The following C1S variants were observed in gnomAD, a reference collection of about 807,000 sequenced individuals.
The protein encoded by C1S is complement C1s subcomponent.
C1S carries 31 observed loss-of-function variants against 54.0 expected under a neutral mutation model. That is an observed-to-expected ratio of 0.57 (90% CI 0.43 to 0.78). The LOEUF (loss-of-function observed/expected upper bound fraction) is 0.78, where lower values mean the gene tolerates loss of function less well. Among genes scored for constraint, C1S ranks in the 30% least tolerant of loss-of-function variants. C1S has a pLI of 0.00. For missense variants in C1S, 727 were observed against 851.8 expected (o/e 0.85, Z 1.82); for synonymous variants, 292 against 303.6 (o/e 0.96, Z 0.40).
chr12:7,066,639 G>T lies in C1S; in HGVS notation c.987+6G>T. Reference sequence around the variant, plus strand: ...ATGGGTTTGAAGTTGTGGAGGTAAAGTACCACCTTGGCTTCTCCCCAGTCC... The same window carrying T: ...ATGGGTTTGAAGTTGTGGAGGTAAATTACCACCTTGGCTTCTCCCCAGTCC... On this transcript the variant is annotated splice_donor_region_variant and intron_variant, in intron 8 of 11. Transcript: ENST00000360817. 3 of 1,532,946 alleles carry T rather than the reference G, an allele frequency of 2.0e-6. No homozygotes were observed. Among genetic ancestry groups the T allele is most frequent in the Non-Finnish European group, 2.7e-6 (3 of 1,105,722 alleles). 95.0% of individuals were successfully genotyped at this position (1,532,946 alleles called of 1,614,324 possible).
At chr12:7,062,230 C>A in intron 2 of C1S, 1 of 567,772 alleles carries the variant, frequency 1.8e-6, no homozygotes, top group Non-Finnish European at 3.1e-6. Flanking sequence ...GAGATCGCAC[C>A]ACTGCACTCC....
intron 2 of C1S, 185 bp from the exon 3 acceptor site, chr12:7,062,290 C>A: frequency 1.9e-6 from 1 of 539,796 alleles, no homozygotes; most frequent in South Asian, 2.0e-5. Flanking sequence ...AAAAAAAGGG[C>A]TCTTGTCTGA....
At chr12:7,067,931 G>T in intron 10 of C1S, 160 bp downstream of exon 10, 1 of 791,512 alleles carries the variant, frequency 1.3e-6, no homozygotes, top group Admixed American at 2.0e-5. Flanking sequence ...TTTTCATCTG[G>T]AGCAGGGCAA....
At position 7,070,047 on chromosome 12, in the gene C1S, G is replaced by A. The variant is rs781821833; in HGVS notation, c.1463G>A (p.Gly488Glu). The A allele has an allele frequency of 1.9e-6, 3 of 1,613,982 alleles. No homozygotes were observed. The African/African-American group carries it at 4.0e-5, about 22-fold the overall frequency. ...AACAGGGAGCCAACAATGTATGTTG[G>A]GTCCACCTCAGTGCAGACCTCACGG... Reference protein sequence around the residue: ...EGNREPTMYVGSTSVQTSRLA... With the variant: ...EGNREPTMYVESTSVQTSRLA... The change falls in exon 12 of 12, where the codon GGG (glycine) becomes GAG (glutamate). Residue 488 changes from glycine (G) to glutamate (E), a missense_variant. This residue lies in a region of C1S where 360 missense variants were observed against 453.6 expected (regional missense o/e 0.79). Coordinates refer to ENST00000360817, the MANE Select transcript of C1S (RefSeq NM_001734.5). This position sits in a 1 kb window ranked among gnomAD's most constrained non-coding sequence, Gnocchi z 4.9.
Position 7,068,892 on chromosome 12 carries a change from GTTTAT to G in C1S, c.1270+363_1270+367del, listed in dbSNP as rs782664214. The G allele has an allele frequency of 1.0e-3, 289 of 279,290 alleles. 1 individual carries two copies. Among genetic ancestry groups the G allele is most frequent in the African/African-American group, 5.6e-3 (262 of 46,896 alleles). 17.3% of individuals were successfully genotyped at this position (279,290 alleles called of 1,614,324 possible). On this transcript the variant is annotated intron_variant, in intron 11 of 11. Transcript: ENST00000360817. Reference sequence around the variant, plus strand: ...AAATAGCCTAGTTATTATATTAAAAGTTTATAGGGCAGCAAGATATAGAGGAATTC... The same window carrying G: ...AAATAGCCTAGTTATTATATTAAAAGAGGGCAGCAAGATATAGAGGAATTC...
chr12:7,064,470 C>T, intron 5 of C1S, 78 bp downstream of exon 5: 2 of 1,521,994 alleles, frequency 1.3e-6, no homozygotes, highest in Non-Finnish European at 1.8e-6. Flanking sequence ...TTTGTCCACC[C>T]TTCCAACTTC....
chr12:7,063,212 C>T (rs184130450), intron 4 of C1S, 145 bp downstream of exon 4: 1 of 735,116 alleles, frequency 1.4e-6, no homozygotes, highest in East Asian at 2.6e-5. Context: ...CCATAAATCA[C>T]TTTTGTGAAA....
At chr12:7,066,478 A>G (rs1937663220) in intron 7 of C1S, 40 bp from the exon 8 acceptor site, 4 of 1,104,868 alleles carry the variant, frequency 3.6e-6, no homozygotes, top group Non-Finnish European at 5.6e-6. Flanking sequence ...TCAACTATTT[A>G]GTAATTTTTT....
In C1S at chr12:7,067,007, A is replaced by G. The variant is rs782223222; in HGVS notation, c.988-32A>G. ...ATTTTGGTTTCCCATATCTCTCTTC[A>G]GAAATAAGTGGTGATGTTTATTATT... On this transcript the variant is annotated intron_variant, in intron 8 of 11. Coordinates refer to ENST00000360817, the MANE Select transcript of C1S (RefSeq NM_001734.5). 2.6e-6 allele frequency: 4 copies of G among 1,526,392 alleles called. No individual in the cohort carries two copies. In the East Asian group the frequency reaches 9.0e-5, roughly 34 times the overall value. The allele number at this position is 1,526,392 out of a possible 1,614,324, so 94.6% of individuals were successfully genotyped here. A position where few individuals can be genotyped will look rare whatever the true frequency, so the allele number is the denominator to read the frequency against.
In C1S at chr12:7,061,890, C is replaced by T; in HGVS notation, c.-23C>T. On this transcript the variant is annotated 5_prime_UTR_variant, in exon 2 of 12. Coordinates refer to ENST00000360817, the MANE Select transcript of C1S (RefSeq NM_001734.5). ...CCAGGACCAAGAGACAGGCAGCTCACCAGGGTGGACAAATCGCCAGAGATG... is the reference window on the plus strand; with the variant it reads ...CCAGGACCAAGAGACAGGCAGCTCATCAGGGTGGACAAATCGCCAGAGATG... The T allele has an allele frequency of 6.2e-7, 1 of 1,613,868 alleles. No homozygotes were observed. The highest frequency in any genetic ancestry group is 8.5e-7 in the Non-Finnish European group (1 of 1,179,864).
At position 7,066,425 on chromosome 12, in the gene C1S, G is replaced by A. The variant is rs782408490; in HGVS notation, c.872-93G>A. On this transcript the variant is annotated intron_variant, in intron 7 of 11. Transcript: ENST00000360817. ...GCATCAGGATTGAGGACAACTGGAC[G>A]ATTTTAGAAAGTGTGAGAATGATGT... is the stretch of plus-strand genomic sequence containing the variant. 90 of 797,504 alleles carry A rather than the reference G, an allele frequency of 1.1e-4. No individual in the cohort carries two copies. In the African/African-American group the frequency reaches 1.2e-3, roughly 11 times the overall value. The allele number at this position is 797,504 out of a possible 1,614,324, so 49.4% of individuals were successfully genotyped here.
In C1S at chr12:7,061,892, AG is replaced by A. The variant is rs782264725; in HGVS notation, c.-18del. ...AGGACCAAGAGACAGGCAGCTCACC[AG>A]GGTGGACAAATCGCCAGAGATGTGG... On this transcript the variant is annotated 5_prime_UTR_variant, in exon 2 of 12. Coordinates refer to ENST00000360817, the MANE Select transcript of C1S (RefSeq NM_001734.5). The A allele has an allele frequency of 3.7e-6, 6 of 1,613,974 alleles. No individual in the cohort carries two copies. The Admixed American group carries it at 1.0e-4, about 27-fold the overall frequency.
Position 7,061,981 on chromosome 12 carries a change from G to A in C1S, c.5+64G>A, listed in dbSNP as rs958459751. ...TTCCCTTCATCTTCTCAAGAAAAGC[G>A]CTCAAGGGCCAGGCATGATGGCTCA... On this transcript the variant is annotated intron_variant, in intron 2 of 11. Transcript: ENST00000360817. 3.3e-5 allele frequency: 50 copies of A among 1,530,538 alleles called. No individual in the cohort carries two copies. In the Middle Eastern group the frequency reaches 1.7e-3, roughly 52 times the overall value. The allele number at this position is 1,530,538 out of a possible 1,614,324, so 94.8% of individuals were successfully genotyped here.
At position 7,069,557 on chromosome 12, in the gene C1S, G is replaced by C. The variant is rs141052269; in HGVS notation, c.1271-298G>C. Among the ~76,000 whole-genome samples, 16 of 152,312 alleles carry C rather than the reference G, an allele frequency of 1.1e-4. No individual in the cohort carries two copies. The East Asian group carries it at 3.1e-3, about 29-fold the overall frequency. On this transcript the variant is annotated intron_variant, in intron 11 of 11. Transcript: ENST00000360817. ...GCAAAGGGGACCCCTGCCTCCAGGG[G>C]GGCTGTGGGTCGCACTGTGGATAGT... is the stretch of plus-strand genomic sequence containing the variant.
chr12:7,064,000 C>T (rs1392662116), intron 4 of C1S: 7 of 526,052 alleles, frequency 1.3e-5, no homozygotes, highest in South Asian at 7.7e-5. Flanking sequence ...CACCACTGCA[C>T]TCCAGCCTCG....
rs1937840091 is a variant in C1S, at chr12:7,070,883, G to A, written c.*232G>A. On this transcript the variant is annotated 3_prime_UTR_variant, in exon 12 of 12. Coordinates refer to ENST00000360817, the MANE Select transcript of C1S (RefSeq NM_001734.5). This position sits in a 1 kb window ranked among gnomAD's most constrained non-coding sequence, Gnocchi z 4.9. ...TCCTTTCCCCGGAGTACCTATTGTA[G>A]ATAACACTATGGGTGGGGCACTCCT... The A allele has an allele frequency of 1.8e-6, 1 of 563,008 alleles. No individual in the cohort carries two copies. The highest frequency in any genetic ancestry group is 3.2e-6 in the Non-Finnish European group (1 of 312,886). 34.9% of individuals were successfully genotyped at this position (563,008 alleles called of 1,614,324 possible). A position where few individuals can be genotyped will look rare whatever the true frequency, so the allele number is the denominator to read the frequency against.
chr12:7,067,534 G>T, intron 9 of C1S, 109 bp from the exon 10 acceptor site: 1 of 1,251,418 alleles, frequency 8.0e-7, no homozygotes. Flanking sequence ...CATCCCAGGT[G>T]TGCCTGTGGA....
intron 7 of C1S, 200 bp from the exon 8 acceptor site, chr12:7,066,316 CTA>C (rs1937654295): frequency 1.5e-6 from 1 of 656,642 alleles, no homozygotes; most frequent in Non-Finnish European, 2.7e-6. Flanking sequence ...AATCCTTTAA[CTA>C]GACCTGAGAC....
chr12:7,062,540 T>C lies in C1S; in HGVS notation c.71T>C (p.Leu24Pro), dbSNP rs2135721034. 6.2e-7 allele frequency: 1 copy of C among 1,614,022 alleles called. No homozygotes were observed. Among genetic ancestry groups the C allele is most frequent in the Non-Finnish European group, 8.5e-7 (1 of 1,179,952 alleles). Residue 24 changes from leucine to proline, a missense_variant, in exon 3 of 12, where the codon CTG becomes CCG. By Grantham distance (98) the Leu-to-Pro change is moderately conservative. Coordinates refer to ENST00000360817, the MANE Select transcript of C1S (RefSeq NM_001734.5). The stretch of plus-strand genomic sequence containing the variant: ...GAGCCTACCATGTATGGGGAGATCC[T>C]GTCCCCTAACTATCCTCAGGCATAT... ...YAEPTMYGEI[L>P]SPNYPQAYPS... is the part of the protein sequence containing the mutation.
Sources: gnomAD v4.1 joint callset for allele counts (sites outside exome capture counted in the v4.1 genomes callset) on GRCh38, gnomAD v4.1.1 for gene constraint, gnomAD v4.1.1 regional missense constraint, Gnocchi (gnomAD v3.1) non-coding constraint, MANE v1.5 for transcripts, NCBI Gene and HGNC (gene_info 2026-07-23, HGNC 2026-07-21) for gene names.